GPHN: variants seen among roughly 807,000 people sequenced by gnomAD.
GPHN encodes gephyrin.
GPHN carries 17 observed loss-of-function variants against 95.5 expected under a neutral mutation model. The ratio of observed to expected loss-of-function variants is 0.18; its 90% CI spans 0.12 to 0.27. GPHN has a LOEUF of 0.27. GPHN is among the 10% of genes least tolerant of loss of function. The pLI is 1.00. For synonymous variants in GPHN, 320 were observed against 322.5 expected (o/e 0.99, Z 0.08); for missense variants, 660 against 978.1 (o/e 0.67, Z 4.34).
intron 3 of GPHN, among the ~76,000 whole-genome samples, chr14:66,777,773 A>G (rs182138328): frequency 0.012 from 1,779 of 152,200 alleles, 18 homozygotes; most frequent in Non-Finnish European, 0.018. Context: ...AAATTCAACA[A>G]CCCTTCATGC....
chr14:67,020,602 C>T (rs1187026335), intron 9 of GPHN, among the ~76,000 whole-genome samples: 1 of 152,086 alleles, frequency 6.6e-6, no homozygotes, highest in Non-Finnish European at 1.5e-5. Flanking sequence ...TTTGATGTCT[C>T]AAAACAATCT....
chr14:67,060,144 A>G (rs1372685312), intron 11 of GPHN, among the ~76,000 whole-genome samples: 1 of 151,462 alleles, frequency 6.6e-6, no homozygotes, highest in Non-Finnish European at 1.5e-5. Context: ...CCTTAACATC[A>G]GTCCTTAGAA....
chr14:67,572,107 G>A, the GPHN span: 30 of 1,594,284 alleles, frequency 1.9e-5, no homozygotes, highest in South Asian at 1.0e-4. Context: ...TGTGGGACCC[G>A]GGCCTTGACT....
chr14:66,726,359 A>G (rs539039899), intron 2 of GPHN, among the ~76,000 whole-genome samples: 5 of 152,334 alleles, frequency 3.3e-5, no homozygotes, highest in South Asian at 2.1e-4. Context: ...ATTAAATTTA[A>G]AACAAATTAA....
intron 8 of GPHN, among the ~76,000 whole-genome samples, chr14:66,957,076 G>C (rs2068561616): frequency 6.9e-6 from 1 of 145,702 alleles, no homozygotes; most frequent in Non-Finnish European, 1.5e-5. Flanking sequence ...TAACTAACCT[G>C]CACAATGTGC....
At chr14:67,476,403 A>G in the GPHN span, among the ~76,000 whole-genome samples, 25 of 152,184 alleles carry the variant, frequency 1.6e-4, no homozygotes, top group Non-Finnish European at 2.8e-4. Context: ...CCTGGCCGAC[A>G]TGGTGAAACC....
rs564694215 is a variant in GPHN, at chr14:66,696,191, G to T, written c.143+15006G>T. ...TTCTTTTTCCTTTAAAGAAGTTTATGCAGATTTGTGGTTATCTCATAAACA... is the reference window on the plus strand; with the variant it reads ...TTCTTTTTCCTTTAAAGAAGTTTATTCAGATTTGTGGTTATCTCATAAACA... On this transcript the variant is annotated intron_variant, in intron 2 of 22. Transcript: ENST00000478722. 1.1e-4 allele frequency among the ~76,000 whole-genome samples: 16 copies of T among 152,288 alleles called. 1 individual carries two copies. In the South Asian group the frequency reaches 3.3e-3, roughly 32 times the overall value.
chr14:67,049,211 TTTGTTG>T (rs139585227), intron 10 of GPHN, among the ~76,000 whole-genome samples: 92 of 150,946 alleles, frequency 6.1e-4, no homozygotes, highest in African/African-American at 1.8e-3. Context: ...GCTGATTAAG[TTTGTTG>T]TTGTTGTTGT....
the GPHN span, chr14:67,588,054 A>T: frequency 6.6e-6 from 1 of 152,610 alleles, no homozygotes; most frequent in Non-Finnish European, 1.5e-5. Context: ...CATTATTGGT[A>T]TGTAGGCATT....
intron 1 of GPHN, among the ~76,000 whole-genome samples, chr14:66,628,550 G>T (rs967916095): frequency 1.3e-5 from 2 of 152,064 alleles, no homozygotes; most frequent in Non-Finnish European, 2.9e-5. Flanking sequence ...GTTGCTTCGG[G>T]TAGGTGAGTG....
chr14:66,898,466 TAAAAAAAA>T (rs59434196), intron 5 of GPHN, among the ~76,000 whole-genome samples: 18 of 91,756 alleles, frequency 2.0e-4, no homozygotes, highest in Admixed American at 1.4e-4. Flanking sequence ...GCTACTTGTT[TAAAAAAAA>T]AAAAAAAAAA....
the GPHN span, among the ~76,000 whole-genome samples, chr14:67,506,557 G>A: frequency 6.6e-6 from 1 of 152,228 alleles, no homozygotes; most frequent in African/African-American, 2.4e-5. Flanking sequence ...GGAATAAGAG[G>A]TGAGGAAAAT....
the GPHN span, among the ~76,000 whole-genome samples, chr14:67,426,709 G>A: frequency 6.6e-6 from 1 of 152,164 alleles, no homozygotes; most frequent in Non-Finnish European, 1.5e-5. Flanking sequence ...CCAAGTAGCT[G>A]GGACTACAGG....
At chr14:66,648,937 A>C (rs1317957047) in intron 1 of GPHN, among the ~76,000 whole-genome samples, 1 of 152,232 alleles carries the variant, frequency 6.6e-6, no homozygotes, top group African/African-American at 2.4e-5. Context: ...TACTGAGACA[A>C]ACCCAGAGAT....
the GPHN span, among the ~76,000 whole-genome samples, chr14:67,524,481 C>T: frequency 8.0e-3 from 1,211 of 152,310 alleles, 17 homozygotes; most frequent in African/African-American, 0.027. Context: ...CAAAGGAACA[C>T]AGGCTTAGGA....
At chr14:67,544,804 C>T in the GPHN span, among the ~76,000 whole-genome samples, 16 of 152,156 alleles carry the variant, frequency 1.1e-4, no homozygotes, top group Non-Finnish European at 2.4e-4. Flanking sequence ...GGAAGACAGA[C>T]CTAAGGAAAT....
At chr14:67,049,512 G>A (rs2075201383) in intron 10 of GPHN, among the ~76,000 whole-genome samples, 1 of 149,374 alleles carries the variant, frequency 6.7e-6, no homozygotes. Flanking sequence ...AGAAGTCTGT[G>A]ACAACTTTTT....
At chr14:67,224,639 A>G in the GPHN span, 1 of 300,826 alleles carries the variant, frequency 3.3e-6, no homozygotes, top group Non-Finnish European at 6.5e-6. Context: ...TTTTTTTTAC[A>G]GTGAGCCCAA....
the GPHN span, among the ~76,000 whole-genome samples, chr14:67,211,951 G>A: frequency 6.6e-6 from 1 of 152,134 alleles, no homozygotes; most frequent in African/African-American, 2.4e-5. Flanking sequence ...TCTCAAAAAC[G>A]AACATTAAAT....
Sources: allele counts gnomAD v4.1 joint callset (sites outside exome capture counted in the v4.1 genomes callset), GRCh38; gene constraint gnomAD v4.1.1; transcripts MANE v1.5; gene names NCBI Gene and HGNC (gene_info 2026-07-23, HGNC 2026-07-21).